Variants in CNIH3 observed in about 807,000 individuals in gnomAD.
CNIH3 encodes protein cornichon homolog 3.
A neutral mutation model predicts 24.1 loss-of-function variants in CNIH3; 14 were observed. The ratio of observed to expected loss-of-function variants is 0.58; its 90% CI spans 0.38 to 0.91. CNIH3 has a LOEUF of 0.91. CNIH3 is among the 40% of genes least tolerant of loss of function. The pLI is 0.00. For missense variants in CNIH3, 178 were observed against 196.8 expected (o/e 0.90, Z 0.57); for synonymous variants, 68 against 73.8 (o/e 0.92, Z 0.40).
At position 224,708,683 on chromosome 1, in the gene CNIH3, C is replaced by T. The variant is rs546914643; in HGVS notation, c.199-21779C>T. ...TCTGTAGTATGACATGACTAGTCTC[C>T]TGCTCCTCTTTGGCTTCCTGGCATG... On this transcript the variant is annotated intron_variant, in intron 3 of 5. Transcript: ENST00000272133. Among the ~76,000 whole-genome samples the T allele has an allele frequency of 9.2e-5, 14 of 152,298 alleles. No homozygotes were observed. The South Asian group carries it at 1.9e-3, about 20-fold the overall frequency.
chr1:224,463,782 T>TA (rs1269672614), intron 1 of CNIH3, among the ~76,000 whole-genome samples: 6 of 112,640 alleles, frequency 5.3e-5, no homozygotes, highest in African/African-American at 2.3e-4. Flanking sequence ...CATTTTTTTT[T>TA]TTTTTTTTTT....
intron 3 of CNIH3, among the ~76,000 whole-genome samples, chr1:224,563,483 G>GTGTGTGTGTT (rs1444868140): frequency 6.6e-6 from 1 of 151,854 alleles, no homozygotes; most frequent in African/African-American, 2.4e-5. Flanking sequence ...GTGTGTGTGT[G>GTGTGTGTGTT]TGTGTGTGTG....
At chr1:224,434,666 T>C (rs1674557360) in exon 1 of CNIH3, 1 of 818,578 alleles carries the variant, frequency 1.2e-6, no homozygotes, top group Middle Eastern at 6.2e-4. Flanking sequence ...GGCCCGCCGC[T>C]GGGCTGAGCC....
chr1:224,455,663 A>G lies in CNIH3; in HGVS notation n.203+20801A>G, dbSNP rs562550885. On this transcript the variant is annotated intron_variant and non_coding_transcript_variant, in intron 1 of 5. Coordinates refer to the CNIH3 transcript ENST00000471578. Reference sequence around the variant, plus strand: ...AAGGCTTAGTCTGACCCTACTCAGGAAGGGGATATAATAGGAATAGCATTA... The same window carrying G: ...AAGGCTTAGTCTGACCCTACTCAGGGAGGGGATATAATAGGAATAGCATTA... Among the ~76,000 whole-genome samples, 10 of 152,248 alleles carry G rather than the reference A, an allele frequency of 6.6e-5. No individual in the cohort carries two copies. In the South Asian group the frequency reaches 2.1e-3, roughly 32 times the overall value.
intron 3 of CNIH3, among the ~76,000 whole-genome samples, chr1:224,698,254 A>T (rs952864500): frequency 8.5e-5 from 13 of 152,340 alleles, no homozygotes; most frequent in African/African-American, 3.1e-4. Context: ...TTATAAAGGG[A>T]CAGAAAAGCC....
At chr1:224,594,945 T>C (rs1372162141) in intron 3 of CNIH3, among the ~76,000 whole-genome samples, 2 of 152,242 alleles carry the variant, frequency 1.3e-5, no homozygotes, top group African/African-American at 2.4e-5. Flanking sequence ...CTTGCAGATA[T>C]TGTATTTTTT....
In CNIH3 at chr1:224,454,432, T is replaced by A. The variant is rs117725718; in HGVS notation, n.203+19570T>A. The A allele has an allele frequency of 4.0e-4, 215 of 537,832 alleles. 2 individuals are homozygous for A. In the East Asian group the frequency reaches 0.029, roughly 71 times the overall value. The allele number at this position is 537,832 out of a possible 1,614,324, so 33.3% of individuals were successfully genotyped here. ...GAGAGCAGGAGAACCAGTTCTCTCT[T>A]GTTTCTATTGGTGTAGTCTGTTTAC... On this transcript the variant is annotated intron_variant and non_coding_transcript_variant, in intron 1 of 5. Coordinates refer to the CNIH3 transcript ENST00000471578.
chr1:224,436,999 A>C (rs1012963942), intron 1 of CNIH3: 1 of 152,138 alleles, frequency 6.6e-6, no homozygotes, highest in Non-Finnish European at 1.5e-5. Context: ...GCTCATTTCA[A>C]ACCTCCTCAG....
intron 1 of CNIH3, among the ~76,000 whole-genome samples, chr1:224,673,838 C>G (rs953813947): frequency 2.6e-5 from 4 of 151,852 alleles, no homozygotes; most frequent in African/African-American, 9.7e-5. Context: ...AGTAACCCAA[C>G]ATTTTCTTTT....
In CNIH3 at chr1:224,647,038, G is replaced by A. The variant is rs556599436; in HGVS notation, c.81+29783G>A. On this transcript the variant is annotated intron_variant, in intron 1 of 5. Coordinates refer to ENST00000272133, the MANE Select transcript of CNIH3 (RefSeq NM_152495.2). ...GTCTTGCTCTGTCATGCAAGCCAGG[G>A]CGCAGTGGTGCAGTCTCGGCTCGCT... Among the ~76,000 whole-genome samples, 229 of 152,242 alleles carry A rather than the reference G, an allele frequency of 1.5e-3. 4 individuals are homozygous for A. Among genetic ancestry groups the A allele is most frequent in the African/African-American group, 5.3e-3 (222 of 41,550 alleles).
intron 1 of CNIH3, chr1:224,454,299 T>C: frequency 1.1e-6 from 1 of 943,820 alleles, no homozygotes; most frequent in Non-Finnish European, 1.3e-6. Context: ...TAGCTGTCCT[T>C]CCACTCTATC....
intron 2 of CNIH3, among the ~76,000 whole-genome samples, chr1:224,536,500 G>C (rs554743065): frequency 1.3e-5 from 2 of 151,558 alleles, no homozygotes; most frequent in African/African-American, 4.9e-5. Context: ...CATGTTGGTC[G>C]GGCTGGTCTC....
chr1:224,537,096 T>C (rs901155207), downstream of CNIH3: 9 of 152,128 alleles, frequency 5.9e-5, no homozygotes, highest in Admixed American at 4.6e-4. Context: ...CTAAATAAGA[T>C]AGCTACAAAG....
chr1:224,612,218 G>A (rs76157922), upstream of CNIH3, among the ~76,000 whole-genome samples: 372 of 152,304 alleles, frequency 2.4e-3, 10 homozygotes, highest in East Asian at 0.049. The surrounding 1 kb of genome is among the most constrained non-coding windows in gnomAD (Gnocchi z 4.7). Context: ...CTTCTTGAAA[G>A]CATCAAAGAC....
chr1:224,614,438 C>T (rs900555125), upstream of CNIH3, among the ~76,000 whole-genome samples: 14 of 152,168 alleles, frequency 9.2e-5, no homozygotes, highest in Admixed American at 9.2e-4. Flanking sequence ...CTTTGGGAGG[C>T]CAAGGCTGGA....
chr1:224,562,149 G>C (rs1249488649), intron 3 of CNIH3, among the ~76,000 whole-genome samples: 1 of 152,094 alleles, frequency 6.6e-6, no homozygotes, highest in Admixed American at 6.5e-5. Flanking sequence ...TTTGTATTGG[G>C]CTTCAACAGT....
intron 3 of CNIH3, among the ~76,000 whole-genome samples, chr1:224,695,598 C>A (rs1383793200): frequency 6.6e-6 from 1 of 152,204 alleles, no homozygotes; most frequent in East Asian, 1.9e-4. Context: ...GGTCTGGTCC[C>A]AGAGTCCATG....
chr1:224,563,160 T>A (rs538041291), intron 3 of CNIH3, among the ~76,000 whole-genome samples: 2 of 152,314 alleles, frequency 1.3e-5, no homozygotes, highest in South Asian at 4.1e-4. Flanking sequence ...AAAGCAAATG[T>A]CCAGCAGTAA....
chr1:224,517,251 C>A (rs1179922584), intron 1 of CNIH3, among the ~76,000 whole-genome samples: 1 of 152,132 alleles, frequency 6.6e-6, no homozygotes, highest in Non-Finnish European at 1.5e-5. Flanking sequence ...GGAGCCTGTT[C>A]TGCACACCCA....
Sources: allele counts gnomAD v4.1 joint callset (sites outside exome capture counted in the v4.1 genomes callset), GRCh38; gene constraint gnomAD v4.1.1; non-coding constraint Gnocchi (gnomAD v3.1); transcripts MANE v1.5; gene names NCBI Gene and HGNC (gene_info 2026-07-23, HGNC 2026-07-21).